The following CD99L2 variants were observed in gnomAD, a reference collection of about 807,000 sequenced individuals.
CD99L2 encodes CD99 molecule like 2.
Under a neutral mutation model 27.3 loss-of-function variants are expected in CD99L2, and 24 were observed. The observed-to-expected ratio is 0.88, with a 90% CI of 0.64 to 1.24. The LOEUF (loss-of-function observed/expected upper bound fraction) is 1.24. Ranked by LOEUF, CD99L2 falls within the 50% of genes most tolerant of loss-of-function variation. The probability of loss-of-function intolerance (pLI) is 0.00; values close to 1 mark genes in which losing one functional copy is unlikely to be tolerated. For synonymous variants in CD99L2, 97 were observed against 87.9 expected (o/e 1.10, Z -0.58); for missense variants, 255 against 221.6 (o/e 1.15, Z -0.96).
chrX:150,886,021 T>C (rs1462183633), intron 1 of CD99L2, among the ~76,000 whole-genome samples: 1 of 112,100 alleles, frequency 8.9e-6, no homozygotes, highest in South Asian at 3.7e-4. Context: ...TAGGGTGACC[T>C]GAAAGCTCAT....
chrX:150,887,693 C>G (rs2047435891), intron 1 of CD99L2, among the ~76,000 whole-genome samples: 1 of 110,620 alleles, frequency 9.0e-6, no homozygotes, highest in African/African-American at 3.3e-5. Context: ...CACTTGGAGC[C>G]CACAGAACAT....
At chrX:150,856,452 C>T (rs1489527043) in intron 1 of CD99L2, among the ~76,000 whole-genome samples, 1 of 111,030 alleles carries the variant, frequency 9.0e-6, no homozygotes, top group Non-Finnish European at 1.9e-5. Flanking sequence ...TTCAGTAACA[C>T]CAAAATGTTC....
chrX:150,824,004 A>AGAGGAGGAGGAGGAAGAGGAAGAGGAG (rs2046279577), intron 2 of CD99L2, among the ~76,000 whole-genome samples: 1 of 102,373 alleles, frequency 9.8e-6, no homozygotes, highest in Non-Finnish European at 2.0e-5. Context: ...AAGAAGAAGA[A>AGAGGAGGAGGAGGAAGAGGAAGAGGAG]GAGGAGGAGG....
At chrX:150,856,188 T>C (rs542295388) in intron 1 of CD99L2, among the ~76,000 whole-genome samples, 2 of 113,075 alleles carry the variant, frequency 1.8e-5, no homozygotes, top group Admixed American at 1.9e-4. Context: ...ATTGCCTAAA[T>C]TGAACATCAT....
intron 1 of CD99L2, among the ~76,000 whole-genome samples, chrX:150,840,661 G>C (rs1273960664): frequency 8.9e-6 from 1 of 112,261 alleles, no homozygotes; most frequent in Non-Finnish European, 1.9e-5. Context: ...GCCTGCCTCA[G>C]CCTCCCAAAG....
At chrX:150,802,224 G>A (rs1369110756) in intron 4 of CD99L2, among the ~76,000 whole-genome samples, 1 of 111,608 alleles carries the variant, frequency 9.0e-6, no homozygotes, top group African/African-American at 3.3e-5. Flanking sequence ...ACATATCATA[G>A]CAGTGAACAT....
At chrX:150,821,801 G>T (rs1328354245) in intron 2 of CD99L2, among the ~76,000 whole-genome samples, 1 of 111,641 alleles carries the variant, frequency 9.0e-6, no homozygotes, top group Admixed American at 9.5e-5. Flanking sequence ...TTAGGGAAAC[G>T]CAAATGAAAA....
At chrX:150,835,568 TTGTA>T (rs2046514477) in intron 1 of CD99L2, among the ~76,000 whole-genome samples, 1 of 110,918 alleles carries the variant, frequency 9.0e-6, no homozygotes, top group Non-Finnish European at 1.9e-5. Context: ...TTAACTGTCT[TTGTA>T]TGAAACAAAA....
intron 7 of CD99L2, 99 bp from the exon 8 acceptor site, chrX:150,777,581 C>T (rs1189358932): frequency 1.1e-6 from 1 of 886,640 alleles, no homozygotes; most frequent in Non-Finnish European, 1.6e-6. Flanking sequence ...CCTTCCAATC[C>T]CACCTATGCG....
rs2047027237 is a variant in CD99L2, at chrX:150,864,334, G to GTT, written c.68-33042_68-33041insAA. On this transcript the variant is annotated intron_variant, in intron 1 of 10. Transcript: ENST00000370377. ...CACACGTGCACAAAGCACCGTGCAT[G>GTT]ACACTGCAGATATGCAACCTTTATC... 1.8e-5 allele frequency among the ~76,000 whole-genome samples: 2 copies of GTT among 112,575 alleles called. 1 individual carries two copies. Among genetic ancestry groups the GTT allele is most frequent in the South Asian group, 7.3e-4 (2 of 2,744 alleles).
chrX:150,813,366 T>C (rs781941007), intron 4 of CD99L2, among the ~76,000 whole-genome samples: 39 of 112,154 alleles, frequency 3.5e-4, no homozygotes, highest in Admixed American at 3.3e-3. Context: ...GGTCCTTCTC[T>C]ATTATTTCTT....
intron 2 of CD99L2, among the ~76,000 whole-genome samples, chrX:150,820,470 G>A (rs1483259064): frequency 1.8e-5 from 2 of 111,572 alleles, no homozygotes; most frequent in Non-Finnish European, 3.8e-5. Flanking sequence ...CATTTAGATG[G>A]TTTATTTTGG....
intron 1 of CD99L2, among the ~76,000 whole-genome samples, chrX:150,886,482 A>G: frequency 8.9e-6 from 1 of 112,788 alleles, no homozygotes; most frequent in Middle Eastern, 4.6e-3. Context: ...ACAGGTTTGT[A>G]GCCTAGGGGC....
intron 1 of CD99L2, among the ~76,000 whole-genome samples, chrX:150,833,054 CAA>C (rs371565041): frequency 1.1e-4 from 5 of 44,381 alleles, no homozygotes; most frequent in African/African-American, 1.4e-4. Context: ...GACTCTGTCT[CAA>C]AAAAAAAAAA....
At chrX:150,845,364 G>A (rs1329013603) in intron 1 of CD99L2, among the ~76,000 whole-genome samples, 10 of 112,060 alleles carry the variant, frequency 8.9e-5, no homozygotes, top group Non-Finnish European at 1.1e-4. Flanking sequence ...GGTGATAGTT[G>A]CACAACATAA....
At chrX:150,778,681 A>ATATAT (rs1557419360) in intron 7 of CD99L2, among the ~76,000 whole-genome samples, 4 of 24,130 alleles carry the variant, frequency 1.7e-4, no homozygotes, top group Admixed American at 6.2e-4. Flanking sequence ...AATAAAAAAA[A>ATATAT]AAAAATATAT....
chrX:150,834,157 A>G (rs1425253443), intron 1 of CD99L2, among the ~76,000 whole-genome samples: 7 of 111,959 alleles, frequency 6.3e-5, no homozygotes, highest in Non-Finnish European at 1.1e-4. Flanking sequence ...GGGTATATGA[A>G]AAAATGCTCA....
At chrX:150,775,633 A>T (rs781938092) in intron 9 of CD99L2, among the ~76,000 whole-genome samples, 2 of 112,494 alleles carry the variant, frequency 1.8e-5, no homozygotes, top group African/African-American at 3.2e-5. Flanking sequence ...ATGATTCCAT[A>T]CAGTTTGTGG....
chrX:150,866,605 AAT>A (rs1173598849), intron 1 of CD99L2, among the ~76,000 whole-genome samples: 4 of 111,936 alleles, frequency 3.6e-5, no homozygotes, highest in Admixed American at 2.8e-4. Flanking sequence ...TGAGTGCAAA[AAT>A]ATAGTTAGAA....
Sources: allele counts gnomAD v4.1 joint callset (sites outside exome capture counted in the v4.1 genomes callset), GRCh38; gene constraint gnomAD v4.1.1; transcripts MANE v1.5; gene names NCBI Gene and HGNC (gene_info 2026-07-23, HGNC 2026-07-21).